MCTP1: variants seen among roughly 807,000 people sequenced by gnomAD.
The protein encoded by MCTP1 is multiple C2 and transmembrane domain-containing protein 1.
A neutral mutation model predicts 120.6 loss-of-function variants in MCTP1; 69 were observed. The ratio of observed to expected loss-of-function variants is 0.57; its 90% CI spans 0.47 to 0.70. The LOEUF is 0.70. Ranked by LOEUF, MCTP1 falls within the 30% of genes least tolerant of loss-of-function variation. The pLI is 0.00. For synonymous variants in MCTP1, 529 were observed against 493.1 expected (o/e 1.07, Z -0.96); for missense variants, 1,203 against 1,248.8 (o/e 0.96, Z 0.55).
In MCTP1 at chr5:94,962,427, A is replaced by G. The variant is rs1277157435; in HGVS notation, c.839-9066T>C. Among the ~76,000 whole-genome samples the G allele has an allele frequency of 6.7e-5, 10 of 150,366 alleles. No individual in the cohort carries two copies. In the Admixed American group the frequency reaches 6.7e-4, roughly 10 times the overall value. On this transcript the variant is annotated intron_variant, in intron 2 of 22. Transcript: ENST00000515393. ...CATCAATCAACAAGTGGATAAAGAA[A>G]TTGATATATATATATCATATATTGT... is the stretch of plus-strand genomic sequence containing the variant.
At chr5:95,050,182 C>T (rs1208671315) in intron 1 of MCTP1, among the ~76,000 whole-genome samples, 1 of 151,728 alleles carries the variant, frequency 6.6e-6, no homozygotes, top group African/African-American at 2.4e-5. Context: ...AAGGTAGGTG[C>T]TACAGATTCA....
intron 19 of MCTP1, among the ~76,000 whole-genome samples, chr5:94,752,109 AT>A (rs1169220702): frequency 7.3e-4 from 3 of 4,110 alleles, no homozygotes; most frequent in South Asian, 0.018. Context: ...AAATAATAAA[AT>A]ATATATATAT....
At chr5:94,917,568 T>G (rs774798818) in intron 8 of MCTP1, among the ~76,000 whole-genome samples, 1 of 152,150 alleles carries the variant, frequency 6.6e-6, no homozygotes, top group Non-Finnish European at 1.5e-5. Context: ...ACATCCAAAG[T>G]TTTAGATCCA....
chr5:94,768,294 TA>T (rs1240025473), intron 19 of MCTP1, among the ~76,000 whole-genome samples: 1 of 152,154 alleles, frequency 6.6e-6, no homozygotes, highest in Non-Finnish European at 1.5e-5. Context: ...TGTAAAACTA[TA>T]AAACTACTAG....
At chr5:95,004,972 A>G (rs1212095757) in intron 2 of MCTP1, among the ~76,000 whole-genome samples, 1 of 152,224 alleles carries the variant, frequency 6.6e-6, no homozygotes, top group Non-Finnish European at 1.5e-5. Context: ...GAAAAGCCGC[A>G]GGCACTCAAC....
intron 1 of MCTP1, among the ~76,000 whole-genome samples, chr5:95,201,600 G>T (rs551309080): frequency 7.7e-5 from 11 of 142,810 alleles, no homozygotes; most frequent in Non-Finnish European, 1.5e-5. Flanking sequence ...TGCCTCCCAG[G>T]TTCAGGCAAT....
chr5:94,891,208 T>A (rs1431847063), intron 11 of MCTP1, among the ~76,000 whole-genome samples: 1 of 127,606 alleles, frequency 7.8e-6, no homozygotes, highest in Non-Finnish European at 1.9e-5. Flanking sequence ...TTTTAAACAG[T>A]TGTTTATCAC....
intron 10 of MCTP1, among the ~76,000 whole-genome samples, chr5:94,906,525 C>T (rs2153429489): frequency 6.6e-6 from 1 of 152,194 alleles, no homozygotes; most frequent in East Asian, 1.9e-4. Context: ...ATGTTCAGTA[C>T]TAAAATAGTT....
chr5:94,819,350 CA>C (rs1785166873), intron 17 of MCTP1, among the ~76,000 whole-genome samples: 1 of 152,008 alleles, frequency 6.6e-6, no homozygotes, highest in Non-Finnish European at 1.5e-5. Flanking sequence ...AGGCTGGTCT[CA>C]AACTCCTGAC....
intron 1 of MCTP1, among the ~76,000 whole-genome samples, chr5:95,275,007 C>G (rs1391273530): frequency 2.0e-5 from 3 of 152,272 alleles, no homozygotes; most frequent in East Asian, 3.9e-4. Flanking sequence ...TCTCACCACT[C>G]ATTTCTCCTG....
chr5:94,912,911 G>A lies in MCTP1; in HGVS notation c.1416C>T (p.Val472=), dbSNP rs1279642820. 6.2e-7 allele frequency: 1 copy of A among 1,604,266 alleles called. No individual in the cohort carries two copies. The change falls in exon 9 of 23, where the codon GTC becomes GTT. Residue 472 remains valine (V), a synonymous_variant. Coordinates refer to ENST00000515393, the MANE Select transcript of MCTP1 (RefSeq NM_024717.7). ...HRKSHLWRGI[V]SITLIEGRDL... is the part of the protein sequence containing the mutation. ...CTCTCCCTTCAATCAAGGTGATGCTGACTATTCCTCTCCAAAGATGCGATT... is the reference window on the plus strand; with the variant it reads ...CTCTCCCTTCAATCAAGGTGATGCTAACTATTCCTCTCCAAAGATGCGATT...
rs1562097086 is a variant in MCTP1, at chr5:95,062,623, A to T, written c.721-45139T>A. ...GGCAAAGGAACTGAACAGTCCCCAC[A>T]TATCCTTCTGGTATCTGCATTATTT... On this transcript the variant is annotated intron_variant, in intron 1 of 22. Coordinates refer to ENST00000515393, the MANE Select transcript of MCTP1 (RefSeq NM_024717.7). Among the ~76,000 whole-genome samples, 7 of 152,286 alleles carry T rather than the reference A, an allele frequency of 4.6e-5. No individual in the cohort carries two copies. The South Asian group carries it at 1.4e-3, about 32-fold the overall frequency.
intron 1 of MCTP1, among the ~76,000 whole-genome samples, chr5:95,170,873 G>A (rs1747177689): frequency 6.6e-6 from 1 of 152,304 alleles, no homozygotes; most frequent in East Asian, 1.9e-4. Context: ...CAATTTGCCA[G>A]TCTGTGTCTT....
intron 1 of MCTP1, among the ~76,000 whole-genome samples, chr5:95,044,463 C>T (rs141911822): frequency 5.3e-4 from 81 of 152,258 alleles, no homozygotes; most frequent in African/African-American, 1.9e-3. Flanking sequence ...TCACACTTAG[C>T]CCCTGTAGAT....
At chr5:94,902,247 C>T (rs72775384) in intron 10 of MCTP1, among the ~76,000 whole-genome samples, 10,039 of 152,106 alleles carry the variant, frequency 0.066, 351 homozygotes, top group Non-Finnish European at 0.081. Context: ...TCTGCCGAGC[C>T]GACACTTCTA....
chr5:95,256,260 A>G (rs142150165), intron 1 of MCTP1, among the ~76,000 whole-genome samples: 25 of 152,354 alleles, frequency 1.6e-4, no homozygotes, highest in African/African-American at 5.8e-4. Flanking sequence ...GGCAGGTATT[A>G]AGAAAGTATC....
chr5:95,007,768 C>G (rs1835060358), intron 2 of MCTP1, among the ~76,000 whole-genome samples: 1 of 152,104 alleles, frequency 6.6e-6, no homozygotes, highest in African/African-American at 2.4e-5. Flanking sequence ...CTTCTAAAAC[C>G]TTTCCCATTC....
intron 17 of MCTP1, among the ~76,000 whole-genome samples, chr5:94,837,611 A>T (rs935162051): frequency 6.6e-6 from 1 of 152,250 alleles, no homozygotes; most frequent in Admixed American, 6.5e-5. Context: ...GGTACATGGT[A>T]TAAGCCCAAC....
chr5:95,172,526 T>G (rs1451991130), intron 1 of MCTP1, among the ~76,000 whole-genome samples: 1 of 152,174 alleles, frequency 6.6e-6, no homozygotes, highest in African/African-American at 2.4e-5. Flanking sequence ...ATTAGAGTGC[T>G]AAAAAGCCCT....
Sources: allele counts gnomAD v4.1 joint callset (sites outside exome capture counted in the v4.1 genomes callset), GRCh38; gene constraint gnomAD v4.1.1; transcripts MANE v1.5; gene names NCBI Gene and HGNC (gene_info 2026-07-23, HGNC 2026-07-21).